Variants in FBXO42 observed in about 807,000 individuals in gnomAD.
FBXO42 encodes F-box only protein 42.
Under a neutral mutation model 71.7 loss-of-function variants are expected in FBXO42, and 12 were observed. The ratio of observed to expected loss-of-function variants is 0.17; its 90% CI spans 0.11 to 0.27. The LOEUF (loss-of-function observed/expected upper bound fraction) is 0.27, where lower values mean the gene tolerates loss of function less well. Ranked by LOEUF, FBXO42 falls within the 10% of genes least tolerant of loss-of-function variation. The pLI, the probability that FBXO42 is intolerant of heterozygous loss-of-function variation, is 1.00. For synonymous variants in FBXO42, 325 were observed against 327.5 expected (o/e 0.99, Z 0.08); for missense variants, 707 against 911.9 (o/e 0.78, Z 2.89).
chr1:16,319,016 A>C (rs1315456657), intron 1 of FBXO42, among the ~76,000 whole-genome samples: 1 of 152,142 alleles, frequency 6.6e-6, no homozygotes, highest in African/African-American at 2.4e-5. Context: ...TAATACATTT[A>C]TTTCTCTTGC....
chr1:16,303,144 T>C (rs2082213972), intron 3 of FBXO42, among the ~76,000 whole-genome samples: 1 of 152,194 alleles, frequency 6.6e-6, no homozygotes, highest in South Asian at 2.1e-4. Flanking sequence ...GGCTGAAGTC[T>C]GGCTACCTAA....
At chr1:16,278,814 G>A (rs1199371897) in intron 4 of FBXO42, among the ~76,000 whole-genome samples, 1 of 151,460 alleles carries the variant, frequency 6.6e-6, no homozygotes, top group East Asian at 1.9e-4. Context: ...TCTTGTTGCC[G>A]AGGCTGGAGG....
At chr1:16,340,466 G>A (rs1474423397) in intron 1 of FBXO42, among the ~76,000 whole-genome samples, 2 of 151,816 alleles carry the variant, frequency 1.3e-5, no homozygotes, top group Non-Finnish European at 2.9e-5. Context: ...AATTAAAGGC[G>A]CCCACCCCGC....
chr1:16,276,355 G>A (rs1293836094), intron 4 of FBXO42, among the ~76,000 whole-genome samples: 25 of 149,902 alleles, frequency 1.7e-4, no homozygotes, highest in East Asian at 5.8e-4. Flanking sequence ...ACACCAGCCC[G>A]GGCGACAGAC....
In FBXO42 at chr1:16,252,979, C is replaced by T; in HGVS notation, c.921+117G>A. On this transcript the variant is annotated intron_variant, in intron 8 of 9. Transcript: ENST00000375592. The surrounding 1 kb of genome is among the most constrained non-coding windows in gnomAD (Gnocchi z 4.4). The stretch of plus-strand genomic sequence containing the variant: ...ACAAAGGCTATACCCAAAAAGCATT[C>T]CTTAAATTAAAATGCCATGGAAATA... 1 of 856,112 alleles carries T rather than the reference C, an allele frequency of 1.2e-6. No individual in the cohort carries two copies. Among genetic ancestry groups the T allele is most frequent in the South Asian group, 2.0e-5 (1 of 49,852 alleles). 53.0% of individuals were successfully genotyped at this position (856,112 alleles called of 1,614,324 possible). A position where few individuals can be genotyped will look rare whatever the true frequency, so the allele number is the denominator to read the frequency against.
chr1:16,296,483 C>T (rs565677798), intron 3 of FBXO42, among the ~76,000 whole-genome samples: 6 of 151,924 alleles, frequency 3.9e-5, no homozygotes, highest in Non-Finnish European at 7.4e-5. Flanking sequence ...AACCCCGTCT[C>T]TACTAAAAAT....
chr1:16,332,206 C>T (rs1045737224), intron 1 of FBXO42, among the ~76,000 whole-genome samples: 2 of 151,990 alleles, frequency 1.3e-5, no homozygotes, highest in Non-Finnish European at 2.9e-5. Flanking sequence ...AAATGTAATC[C>T]CCTCTTTGCC....
intron 1 of FBXO42, among the ~76,000 whole-genome samples, chr1:16,329,137 T>C (rs1440357165): frequency 2.4e-5 from 3 of 125,606 alleles, no homozygotes; most frequent in Non-Finnish European, 3.2e-5. Context: ...CACTCCAGCC[T>C]GGGCAACAGA....
intron 1 of FBXO42, among the ~76,000 whole-genome samples, chr1:16,350,250 G>A (rs2082686745): frequency 6.6e-6 from 1 of 152,084 alleles, no homozygotes. Flanking sequence ...TAGCATAACA[G>A]TGCAACATAT....
At chr1:16,265,742 C>T (rs1337035084) in intron 4 of FBXO42, among the ~76,000 whole-genome samples, 1 of 151,322 alleles carries the variant, frequency 6.6e-6, no homozygotes, top group Admixed American at 6.6e-5. Context: ...AGAGTTAATC[C>T]CTTGTCCTTG....
At chr1:16,282,217 TTTC>T (rs2081971452) in intron 4 of FBXO42, among the ~76,000 whole-genome samples, 1 of 126,262 alleles carries the variant, frequency 7.9e-6, no homozygotes, top group South Asian at 2.2e-4. Context: ...ACTGAGACAT[TTTC>T]TTTTTTTTTT....
In FBXO42 at chr1:16,308,398, G is replaced by A. The variant is rs551976465; in HGVS notation, c.251-2479C>T. Among the ~76,000 whole-genome samples, 38 of 152,168 alleles carry A rather than the reference G, an allele frequency of 2.5e-4. No individual in the cohort carries two copies. The East Asian group carries it at 3.3e-3, about 13-fold the overall frequency. ...ACATGAGAAGCAAGGCAGGAGGATC[G>A]CTTGAGCCCAGGAGTTCGAGGCTGT... On this transcript the variant is annotated intron_variant, in intron 2 of 9. Coordinates refer to ENST00000375592, the MANE Select transcript of FBXO42 (RefSeq NM_018994.3).
intron 1 of FBXO42, among the ~76,000 whole-genome samples, chr1:16,345,077 A>C (rs1379363458): frequency 2.0e-5 from 3 of 151,532 alleles, no homozygotes; most frequent in Non-Finnish European, 2.9e-5. Context: ...CCAGCCTGAG[A>C]GACAGAGTGA....
chr1:16,299,932 C>T (rs928799418), intron 3 of FBXO42, among the ~76,000 whole-genome samples: 1 of 152,156 alleles, frequency 6.6e-6, no homozygotes, highest in Non-Finnish European at 1.5e-5. Context: ...CGTGAGCCAC[C>T]ATGCCCGGCC....
intron 4 of FBXO42, among the ~76,000 whole-genome samples, chr1:16,281,636 T>C (rs2081965140): frequency 6.7e-6 from 1 of 149,484 alleles, no homozygotes; most frequent in Non-Finnish European, 1.5e-5. Flanking sequence ...GCCTGGCTAA[T>C]TTTCTTTTTT....
At chr1:16,284,611 C>T (rs2082001580) in intron 4 of FBXO42, among the ~76,000 whole-genome samples, 1 of 152,094 alleles carries the variant, frequency 6.6e-6, no homozygotes, top group Non-Finnish European at 1.5e-5. Flanking sequence ...ATGGGCAGAT[C>T]ACAAGGTCAG....
intron 3 of FBXO42, 69 bp from the exon 4 acceptor site, chr1:16,294,986 T>C (rs2082114037): frequency 6.7e-6 from 10 of 1,484,574 alleles, no homozygotes; most frequent in Non-Finnish European, 9.0e-6. Flanking sequence ...AACCATAACA[T>C]ATATTTTTCA....
chr1:16,341,497 G>A (rs908442457), intron 1 of FBXO42, among the ~76,000 whole-genome samples: 1 of 151,818 alleles, frequency 6.6e-6, no homozygotes, highest in Non-Finnish European at 1.5e-5. Context: ...CTACTCAGGA[G>A]GCTGAGGCAG....
intron 4 of FBXO42, chr1:16,293,040 T>G (rs1364794426): frequency 6.6e-6 from 1 of 152,210 alleles, no homozygotes; most frequent in Non-Finnish European, 1.5e-5. Flanking sequence ...TTGCACTAAG[T>G]GCAATATGGT....
Sources: allele counts gnomAD v4.1 joint callset (sites outside exome capture counted in the v4.1 genomes callset), GRCh38; gene constraint gnomAD v4.1.1; non-coding constraint Gnocchi (gnomAD v3.1); transcripts MANE v1.5; gene names NCBI Gene and HGNC (gene_info 2026-07-23, HGNC 2026-07-21).